Variants in NBEA observed in about 807,000 individuals in gnomAD.
NBEA encodes the protein neurobeachin, also known as lysosomal-trafficking regulator 2.
A neutral mutation model predicts 343.4 loss-of-function variants in NBEA; 44 were observed. The observed-to-expected ratio is 0.13, with a 90% CI of 0.10 to 0.16. NBEA has a LOEUF of 0.16. Ranked by LOEUF, NBEA falls within the 10% of genes least tolerant of loss-of-function variation. The pLI is 1.00. For missense variants in NBEA, 2,555 were observed against 3,631.3 expected, an observed-to-expected ratio of 0.70 and a Z score of 7.62; for synonymous variants, 1,175 against 1,238.7, an observed-to-expected ratio of 0.95 and a Z score of 1.08.
chr13:35,635,213 C>T (rs1419931534), intron 49 of NBEA, among the ~76,000 whole-genome samples: 1 of 151,986 alleles, frequency 6.6e-6, no homozygotes, highest in Non-Finnish European at 1.5e-5. Context: ...TCCTTTATTC[C>T]TCAGCCTTTC....
rs527873696 is a variant in NBEA at position 35,606,696 on chromosome 13, A to G, written c.7449+118A>G. On this transcript the variant is annotated intron_variant, in intron 48 of 58. Coordinates refer to ENST00000379939, the MANE Select transcript of NBEA (RefSeq NM_001385012.1). ...AATTATACTTAACATCTATAAATAC[A>G]AGCTTAAAATTTTAAATGAAAAAGA... is the stretch of plus-strand genomic sequence containing the variant. 3.3e-4 allele frequency: 262 copies of G among 782,814 alleles called. 3 individuals are homozygous for G. The African/African-American group carries it at 4.0e-3, about 12-fold the overall frequency. 48.5% of individuals were successfully genotyped at this position (782,814 alleles called of 1,614,324 possible). A position where few individuals can be genotyped will look rare whatever the true frequency, so the allele number is the denominator to read the frequency against.
At chr13:35,616,403 G>C (rs1479538451) in intron 48 of NBEA, among the ~76,000 whole-genome samples, 1 of 152,148 alleles carries the variant, frequency 6.6e-6, no homozygotes, top group Non-Finnish European at 1.5e-5. Flanking sequence ...CTGTATCTGT[G>C]CTTAGATGGC....
At chr13:35,217,906 G>A (rs1455886680) in intron 33 of NBEA, among the ~76,000 whole-genome samples, 3 of 152,076 alleles carry the variant, frequency 2.0e-5, no homozygotes, top group Admixed American at 2.0e-4. Context: ...CTTCACATAA[G>A]TAGATTGCTA....
At chr13:35,582,338 T>G (rs939083624) in intron 45 of NBEA, among the ~76,000 whole-genome samples, 1 of 152,018 alleles carries the variant, frequency 6.6e-6, no homozygotes, top group South Asian at 2.1e-4. Context: ...ATTACTTCAA[T>G]TCCGTAACAG....
chr13:35,038,148 C>G (rs2062519032), intron 1 of NBEA, among the ~76,000 whole-genome samples: 1 of 152,182 alleles, frequency 6.6e-6, no homozygotes, highest in African/African-American at 2.4e-5. Flanking sequence ...TTAGCCACTG[C>G]CACTCCTGGC....
intron 41 of NBEA, among the ~76,000 whole-genome samples, chr13:35,495,008 CA>C (rs989132053): frequency 6.2e-5 from 9 of 145,110 alleles, no homozygotes; most frequent in Non-Finnish European, 9.1e-5. Context: ...GAGACTCTGT[CA>C]AAAAAAAAGA....
rs113408032 is a variant in NBEA at position 35,202,754 on chromosome 13, A to G, written c.5367-5946A>G. 3.9e-5 allele frequency among the ~76,000 whole-genome samples: 6 copies of G among 152,240 alleles called. 1 individual carries two copies. Among genetic ancestry groups the G allele is most frequent in the African/African-American group, 1.4e-4 (6 of 41,564 alleles). On this transcript the variant is annotated intron_variant, in intron 31 of 58. Transcript: ENST00000379939. ...TCTTTTCTAAACTAGAGACTTATCT[A>G]TCCAATTGCTTATTCAACATTGCTA...
intron 41 of NBEA, among the ~76,000 whole-genome samples, chr13:35,521,239 A>AT (rs1211163504): frequency 6.6e-6 from 1 of 152,104 alleles, no homozygotes; most frequent in Non-Finnish European, 1.5e-5. Context: ...CTAGTTTTAC[A>AT]TCTGGTTATT....
At chr13:35,208,504 G>T (rs188074205) in intron 31 of NBEA, among the ~76,000 whole-genome samples, 196 bp from the exon 32 acceptor site, 13 of 152,152 alleles carry the variant, frequency 8.5e-5, no homozygotes, top group Admixed American at 6.5e-4. Context: ...AATCAATTAG[G>T]CAACACACTT....
chr13:34,987,016 G>A (rs542374796), intron 1 of NBEA, among the ~76,000 whole-genome samples: 3 of 150,888 alleles, frequency 2.0e-5, no homozygotes, highest in Non-Finnish European at 4.5e-5. Context: ...TTACATTTAA[G>A]GTTAATATTT....
At chr13:35,422,616 CA>C (rs1436123185) in intron 38 of NBEA, among the ~76,000 whole-genome samples, 3 of 152,178 alleles carry the variant, frequency 2.0e-5, no homozygotes, top group Non-Finnish European at 4.4e-5. Context: ...CATATGTGTG[CA>C]TGTGTCTTTA....
intron 1 of NBEA, among the ~76,000 whole-genome samples, chr13:35,034,866 C>G (rs774315758): frequency 6.6e-6 from 1 of 151,852 alleles, no homozygotes; most frequent in Non-Finnish European, 1.5e-5. Flanking sequence ...TTTGTAGTAT[C>G]AGTTGTAATG....
chr13:35,263,922 A>G (rs911881746), intron 34 of NBEA, among the ~76,000 whole-genome samples: 1 of 151,892 alleles, frequency 6.6e-6, no homozygotes, highest in African/African-American at 2.4e-5. Flanking sequence ...AATAATAAAG[A>G]TCCGAGCAGA....
intron 34 of NBEA, among the ~76,000 whole-genome samples, chr13:35,271,554 C>A (rs1170517704): frequency 6.6e-6 from 1 of 152,150 alleles, no homozygotes; most frequent in African/African-American, 2.4e-5. Flanking sequence ...TAATAAACTT[C>A]TCCGAGCTAA....
At chr13:35,176,188 C>T (rs1197063026) in intron 27 of NBEA, among the ~76,000 whole-genome samples, 1 of 151,938 alleles carries the variant, frequency 6.6e-6, no homozygotes, top group East Asian at 1.9e-4. Context: ...TGGCGTGCTG[C>T]CAAGGAATCA....
At chr13:35,125,367 A>C (rs1264774850) in intron 17 of NBEA, among the ~76,000 whole-genome samples, 1 of 152,186 alleles carries the variant, frequency 6.6e-6, no homozygotes, top group Non-Finnish European at 1.5e-5. Flanking sequence ...GAGTTTCTGA[A>C]GATGAGAGGC....
At chr13:35,413,978 G>A (rs1169813993) in intron 38 of NBEA, among the ~76,000 whole-genome samples, 1 of 152,148 alleles carries the variant, frequency 6.6e-6, no homozygotes. Context: ...AGACTTCGGT[G>A]TAGCATGAGT....
intron 1 of NBEA, among the ~76,000 whole-genome samples, chr13:35,004,279 C>A (rs183769320): frequency 1.2e-4 from 19 of 152,164 alleles, no homozygotes; most frequent in African/African-American, 4.3e-4. Flanking sequence ...ATTTATATTC[C>A]TTGGGTGTAT....
chr13:35,307,184 T>G (rs2036947615), intron 35 of NBEA, among the ~76,000 whole-genome samples: 1 of 152,066 alleles, frequency 6.6e-6, no homozygotes, highest in Admixed American at 6.6e-5. Flanking sequence ...ATCTCTTCTT[T>G]GTAACATCTC....
Sources: allele counts gnomAD v4.1 joint callset (sites outside exome capture counted in the v4.1 genomes callset), GRCh38; gene constraint gnomAD v4.1.1; transcripts MANE v1.5; gene names NCBI Gene and HGNC (gene_info 2026-07-23, HGNC 2026-07-21).